LRRC4C: variants seen among roughly 807,000 people sequenced by gnomAD.
LRRC4C encodes the protein leucine-rich repeat-containing protein 4C.
LRRC4C carries 5 observed loss-of-function variants against 33.6 expected under a neutral mutation model. The ratio of observed to expected loss-of-function variants is 0.15; its 90% CI spans 0.08 to 0.31. The LOEUF is 0.31. LRRC4C is among the 10% of genes least tolerant of loss of function. The pLI is 1.00. For synonymous variants in LRRC4C, 329 were observed against 302.0 expected, an observed-to-expected ratio of 1.09 and a Z score of -0.93; for missense variants, 560 against 796.7, an observed-to-expected ratio of 0.70 and a Z score of 3.58.
chr11:40,869,077 T>C (rs993905432), intron 2 of LRRC4C, among the ~76,000 whole-genome samples: 10 of 10,832 alleles, frequency 9.2e-4, no homozygotes, highest in Non-Finnish European at 0.02. Context: ...GGATAGATTA[T>C]TTCCATTTAG....
At chr11:40,161,372 C>A (rs1161651012) in intron 5 of LRRC4C, among the ~76,000 whole-genome samples, 2 of 152,148 alleles carry the variant, frequency 1.3e-5, no homozygotes, top group East Asian at 1.9e-4. Context: ...AAATCAGCAA[C>A]AAATAATTCT....
intron 1 of LRRC4C, among the ~76,000 whole-genome samples, chr11:41,165,399 AAAACTCAAATGTTTGGGTAGATAT>A (rs1409127355): frequency 2.0e-5 from 3 of 152,102 alleles, no homozygotes; most frequent in Non-Finnish European, 2.9e-5. Context: ...TTTCTCTCAG[AAAACTCAAATGTTTGGGTAGATAT>A]GAGAACTGAC....
intron 5 of LRRC4C, among the ~76,000 whole-genome samples, chr11:40,150,626 T>C (rs1327505923): frequency 6.6e-6 from 1 of 152,104 alleles, no homozygotes; most frequent in Non-Finnish European, 1.5e-5. Context: ...TTAATTTTCG[T>C]AGATACCTGG....
At chr11:41,217,472 T>C (rs1431095404) in intron 1 of LRRC4C, among the ~76,000 whole-genome samples, 1 of 152,214 alleles carries the variant, frequency 6.6e-6, no homozygotes, top group East Asian at 1.9e-4. Context: ...CTGAAGTCTA[T>C]CTGAACACAA....
intron 2 of LRRC4C, among the ~76,000 whole-genome samples, chr11:40,908,345 T>A (rs1385581334): frequency 6.6e-6 from 1 of 152,022 alleles, no homozygotes; most frequent in South Asian, 2.1e-4. Flanking sequence ...GAATGAAAAA[T>A]CACTACTCAA....
intron 1 of LRRC4C, among the ~76,000 whole-genome samples, chr11:41,392,562 CAA>C (rs146954125): frequency 7.0e-6 from 1 of 143,494 alleles, no homozygotes; most frequent in African/African-American, 2.6e-5. Context: ...AACAAACAAA[CAA>C]AAAAAAAAAC....
At chr11:40,975,821 G>T (rs994832830) in intron 1 of LRRC4C, among the ~76,000 whole-genome samples, 1 of 152,166 alleles carries the variant, frequency 6.6e-6, no homozygotes, top group Non-Finnish European at 1.5e-5. Context: ...TCTCAATCTT[G>T]TAGGCTCCTT....
At chr11:40,218,068 T>A (rs1864104864) in intron 5 of LRRC4C, among the ~76,000 whole-genome samples, 1 of 152,164 alleles carries the variant, frequency 6.6e-6, no homozygotes, top group African/African-American at 2.4e-5. Flanking sequence ...AGGTTTATAA[T>A]GTGACAGGTA....
chr11:41,140,030 C>T (rs969208044), intron 1 of LRRC4C, among the ~76,000 whole-genome samples: 8 of 152,082 alleles, frequency 5.3e-5, no homozygotes, highest in Non-Finnish European at 1.2e-4. Flanking sequence ...TGAAAATAGT[C>T]CCGGTTTCAA....
intron 2 of LRRC4C, among the ~76,000 whole-genome samples, chr11:40,733,593 A>C (rs1313620165): frequency 6.6e-6 from 1 of 152,186 alleles, no homozygotes; most frequent in African/African-American, 2.4e-5. Flanking sequence ...CTTCTCTTTC[A>C]TAAGGCTAAT....
At chr11:40,520,342 T>C (rs1215518962) in intron 3 of LRRC4C, among the ~76,000 whole-genome samples, 1 of 150,190 alleles carries the variant, frequency 6.7e-6, no homozygotes, top group Non-Finnish European at 1.5e-5. Context: ...GTTTTTAACA[T>C]GCTTTCTTCA....
intron 1 of LRRC4C, among the ~76,000 whole-genome samples, chr11:41,035,177 G>A (rs1856988174): frequency 6.7e-6 from 1 of 150,116 alleles, no homozygotes; most frequent in Non-Finnish European, 1.5e-5. Context: ...GCGACAGAAT[G>A]AGACTCCATC....
At chr11:40,371,275 T>C (rs2137260193) in intron 3 of LRRC4C, among the ~76,000 whole-genome samples, 1 of 152,282 alleles carries the variant, frequency 6.6e-6, no homozygotes, top group African/African-American at 2.4e-5. Flanking sequence ...TGCAGTTTAC[T>C]TCTATTCAAG....
chr11:41,206,755 A>C (rs906240141), intron 1 of LRRC4C, among the ~76,000 whole-genome samples: 1 of 152,156 alleles, frequency 6.6e-6, no homozygotes, highest in African/African-American at 2.4e-5. Flanking sequence ...TTTAACTGTT[A>C]CTGCTAATAA....
intron 1 of LRRC4C, among the ~76,000 whole-genome samples, chr11:41,412,247 G>A (rs1954515588): frequency 1.3e-5 from 2 of 152,078 alleles, no homozygotes; most frequent in African/African-American, 2.4e-5. Context: ...TACCTTACTT[G>A]TTTTTATGAA....
chr11:41,099,844 C>G (rs921787738), intron 1 of LRRC4C, among the ~76,000 whole-genome samples: 1 of 152,024 alleles, frequency 6.6e-6, no homozygotes, highest in African/African-American at 2.4e-5. Flanking sequence ...CCAGAGCAGT[C>G]AGCCAAGATA....
chr11:41,425,695 A>T (rs966887520), intron 1 of LRRC4C, among the ~76,000 whole-genome samples: 39 of 152,166 alleles, frequency 2.6e-4, no homozygotes, highest in African/African-American at 9.4e-4. Context: ...AAAGTGTTTA[A>T]CAAATTACTA....
At chr11:41,234,301 G>A (rs1238487452) in intron 1 of LRRC4C, among the ~76,000 whole-genome samples, 2 of 152,000 alleles carry the variant, frequency 1.3e-5, no homozygotes, top group Non-Finnish European at 2.9e-5. Flanking sequence ...TGCATACATT[G>A]TGAATTGGCT....
chr11:40,492,315 A>T (rs976698984), intron 3 of LRRC4C, among the ~76,000 whole-genome samples: 3 of 152,176 alleles, frequency 2.0e-5, no homozygotes, highest in African/African-American at 2.4e-5. Context: ...TTAATCGATA[A>T]GATTCATTTT....
Sources: gnomAD v4.1 joint callset for allele counts (sites outside exome capture counted in the v4.1 genomes callset) on GRCh38, gnomAD v4.1.1 for gene constraint, MANE v1.5 for transcripts, NCBI Gene and HGNC (gene_info 2026-07-23, HGNC 2026-07-21) for gene names.